Variants in CD247 observed in about 807,000 individuals in gnomAD.
CD247 encodes the protein CD247 molecule.
CD247 carries 13 observed loss-of-function variants against 30.0 expected under a neutral mutation model. The ratio of observed to expected loss-of-function variants is 0.43; its 90% confidence interval spans 0.28 to 0.69. CD247 has a LOEUF of 0.69. Ranked by LOEUF, CD247 falls within the 30% of genes least tolerant of loss-of-function variation. The pLI is 0.16. For missense variants in CD247, 193 were observed against 212.6 expected (o/e 0.91, Z 0.57); for synonymous variants, 72 against 80.0 (o/e 0.90, Z 0.53).
At chr1:167,489,187 T>C (rs990189782) in intron 1 of CD247, among the ~76,000 whole-genome samples, 30 of 152,276 alleles carry the variant, frequency 2.0e-4, no homozygotes, top group Non-Finnish European at 2.9e-5. Flanking sequence ...CCTAGAAGGA[T>C]CCAACCCCCC....
chr1:167,460,223 G>A (rs1382178006), intron 1 of CD247, among the ~76,000 whole-genome samples: 1 of 151,904 alleles, frequency 6.6e-6, no homozygotes, highest in Non-Finnish European at 1.5e-5. Context: ...GCAACATGGC[G>A]AAATCCCGTC....
chr1:167,450,923 A>AAAAAAG (rs1652325209), intron 1 of CD247, among the ~76,000 whole-genome samples: 8 of 151,204 alleles, frequency 5.3e-5, no homozygotes, highest in African/African-American at 2.0e-4. Context: ...AAAAAAAAAA[A>AAAAAAG]AAAAGAAAAG....
intron 4 of CD247, among the ~76,000 whole-genome samples, chr1:167,436,789 CT>C (rs1222878067): frequency 6.6e-6 from 1 of 152,140 alleles, no homozygotes; most frequent in African/African-American, 2.4e-5. Context: ...TCACCTCACA[CT>C]TGTTAGGGTG....
Position 167,431,298 on chromosome 1 carries a change from TA to T in CD247, c.*382del, listed in dbSNP as rs1651254216. The stretch of plus-strand genomic sequence containing the variant: ...GTGAAGCCACTCAGACACAGAGTGA[TA>T]CAGACATTAGGGCATGTGCTAGCAT... On this transcript the variant is annotated 3_prime_UTR_variant, in exon 8 of 8. Transcript: ENST00000362089. 8.7e-6 allele frequency: 5 copies of T among 573,954 alleles called. No homozygotes were observed. Among genetic ancestry groups the T allele is most frequent in the Admixed American group, 6.1e-5 (2 of 32,602 alleles). 35.6% of individuals were successfully genotyped at this position (573,954 alleles called of 1,614,324 possible).
At position 167,494,044 on chromosome 1, in the gene CD247, G is replaced by A. The variant is rs901420081; in HGVS notation, c.58+24364C>T. Among the ~76,000 whole-genome samples, 8 of 152,098 alleles carry A rather than the reference G, an allele frequency of 5.3e-5. No homozygotes were observed. In the East Asian group the frequency reaches 7.7e-4, roughly 15 times the overall value. On this transcript the variant is annotated intron_variant, in intron 1 of 7. Coordinates refer to ENST00000362089, the MANE Select transcript of CD247 (RefSeq NM_198053.3). The surrounding 1 kb of genome is among the most constrained non-coding windows in gnomAD (Gnocchi z 7.3). Reference sequence around the variant, plus strand: ...CTCAGGGCTCTGCTGAGTTGGGTGGGGGAGGCTGGAGGCTGCAAAATGATG... The same window carrying A: ...CTCAGGGCTCTGCTGAGTTGGGTGGAGGAGGCTGGAGGCTGCAAAATGATG...
At chr1:167,503,806 C>T (rs1655007340) in intron 1 of CD247, among the ~76,000 whole-genome samples, 1 of 152,086 alleles carries the variant, frequency 6.6e-6, no homozygotes, top group Admixed American at 6.5e-5. Context: ...GAGGGGTAGG[C>T]TACCGGTTAG....
chr1:167,491,201 G>A (rs1383469718), intron 1 of CD247, among the ~76,000 whole-genome samples: 2 of 152,284 alleles, frequency 1.3e-5, no homozygotes, highest in East Asian at 3.9e-4. Context: ...AAGGAATGCC[G>A]TGCACTGTGG....
chr1:167,448,893 G>A (rs554656465), intron 1 of CD247, among the ~76,000 whole-genome samples: 8 of 152,108 alleles, frequency 5.3e-5, no homozygotes, highest in African/African-American at 1.9e-4. Flanking sequence ...TTTTTAAAAA[G>A]TACCACAGCC....
At chr1:167,508,857 T>C (rs1558033632) in intron 1 of CD247, among the ~76,000 whole-genome samples, 1 of 152,154 alleles carries the variant, frequency 6.6e-6, no homozygotes, top group Non-Finnish European at 1.5e-5. Context: ...TTGCAAAAAT[T>C]GAGAACATGG....
chr1:167,504,133 G>A (rs1482413854), intron 1 of CD247, among the ~76,000 whole-genome samples: 3 of 152,158 alleles, frequency 2.0e-5, no homozygotes, highest in African/African-American at 4.8e-5. Flanking sequence ...GGGGCCAAAG[G>A]CTGGCTGTGC....
chr1:167,511,840 C>T (rs796557172), intron 1 of CD247, among the ~76,000 whole-genome samples: 6 of 152,040 alleles, frequency 3.9e-5, no homozygotes, highest in South Asian at 4.2e-4. Flanking sequence ...ACCAGACCTA[C>T]GAGCCTCACT....
At chr1:167,508,880 G>T (rs939002324) in intron 1 of CD247, among the ~76,000 whole-genome samples, 2 of 152,180 alleles carry the variant, frequency 1.3e-5, no homozygotes, top group African/African-American at 4.8e-5. Context: ...TCCGGGACCA[G>T]GGACACTTTC....
intron 1 of CD247, among the ~76,000 whole-genome samples, chr1:167,478,916 G>C (rs1264580934): frequency 6.6e-6 from 1 of 152,056 alleles, no homozygotes; most frequent in African/African-American, 2.4e-5. Flanking sequence ...TATTCACAGT[G>C]GTAATTTCTG....
chr1:167,510,881 C>T lies in CD247; in HGVS notation c.58+7527G>A, dbSNP rs78842416. Among the ~76,000 whole-genome samples, 3 of 152,208 alleles carry T rather than the reference C, an allele frequency of 2.0e-5. No individual in the cohort carries two copies. In the East Asian group the frequency reaches 5.8e-4, roughly 29 times the overall value. On this transcript the variant is annotated intron_variant, in intron 1 of 7. Coordinates refer to ENST00000362089, the MANE Select transcript of CD247 (RefSeq NM_198053.3). ...CCATCACAGACATCCTGCTGCAGCA[C>T]TTGAATACTTCCCCTCTTCCCAACC...
At chr1:167,508,965 A>G (rs1655264318) in intron 1 of CD247, among the ~76,000 whole-genome samples, 1 of 152,192 alleles carries the variant, frequency 6.6e-6, no homozygotes, top group African/African-American at 2.4e-5. Flanking sequence ...GGTTGAGCCA[A>G]CCATCTACAG....
chr1:167,463,584 C>T lies in CD247; in HGVS notation c.59-22817G>A, dbSNP rs1333350679. 6.6e-5 allele frequency among the ~76,000 whole-genome samples: 10 copies of T among 152,292 alleles called. No individual in the cohort carries two copies. In the East Asian group the frequency reaches 1.3e-3, roughly 21 times the overall value. ...AACTTGCATCTCCTTTCTCTTGATC[C>T]TACATTTCAGCCTCCAATTTAGTGG... On this transcript the variant is annotated intron_variant, in intron 1 of 7. Transcript: ENST00000362089.
intron 5 of CD247, chr1:167,434,446 G>A: frequency 2.8e-6 from 1 of 363,422 alleles, no homozygotes; most frequent in Non-Finnish European, 5.3e-6. Context: ...TCTTTACACA[G>A]CCAAACGGGC....
In CD247 at chr1:167,456,048, G is replaced by T. The variant is rs369862247; in HGVS notation, c.59-15281C>A. 8.6e-4 allele frequency among the ~76,000 whole-genome samples: 131 copies of T among 151,550 alleles called. 1 individual carries two copies. The highest frequency in any genetic ancestry group is 3.0e-3 in the African/African-American group (126 of 41,406). On this transcript the variant is annotated intron_variant, in intron 1 of 7. Transcript: ENST00000362089. Reference sequence around the variant, plus strand: ...CTTCCTCAGATAGCAGGGAGGAAGCGCCAGGGGTCTCTCCGTTCTCACATA... The same window carrying T: ...CTTCCTCAGATAGCAGGGAGGAAGCTCCAGGGGTCTCTCCGTTCTCACATA...
At chr1:167,509,376 A>AC (rs1375753923) in intron 1 of CD247, among the ~76,000 whole-genome samples, 19 of 150,636 alleles carry the variant, frequency 1.3e-4, no homozygotes, top group Admixed American at 4.0e-4. Context: ...TCTCAAAAAA[A>AC]AAAAAAAAAA....
Sources: gnomAD v4.1 joint callset for allele counts (sites outside exome capture counted in the v4.1 genomes callset) on GRCh38, gnomAD v4.1.1 for gene constraint, Gnocchi (gnomAD v3.1) non-coding constraint, MANE v1.5 for transcripts, NCBI Gene and HGNC (gene_info 2026-07-23, HGNC 2026-07-21) for gene names.